Variants in LRRC49 observed in about 807,000 individuals in gnomAD.
LRRC49 encodes leucine rich repeat containing 49.
A neutral mutation model predicts 83.3 loss-of-function variants in LRRC49; 50 were observed. That is an observed-to-expected ratio of 0.60 (90% confidence interval 0.48 to 0.76). LRRC49 has a LOEUF of 0.76. Ranked by LOEUF, LRRC49 falls within the 30% of genes least tolerant of loss-of-function variation. LRRC49 has a pLI of 0.00. For missense variants in LRRC49, 704 were observed against 809.1 expected (o/e 0.87, Z 1.58); for synonymous variants, 286 against 283.3 (o/e 1.01, Z -0.10).
At chr15:71,026,238 G>T (rs1379055525) in intron 14 of LRRC49, among the ~76,000 whole-genome samples, 1 of 152,116 alleles carries the variant, frequency 6.6e-6, no homozygotes, top group East Asian at 1.9e-4. Context: ...CCCTGCAAAG[G>T]ACATGAACTC....
rs754161457 is a variant in LRRC49, at chr15:70,911,543, TCTCAAATCTGGAGAATCTAAAAAG to T, written c.515_538del (p.Ser172_Ser179del). The T allele has an allele frequency of 6.3e-7, 1 of 1,578,126 alleles. No individual in the cohort carries two copies. Among genetic ancestry groups the T allele is most frequent in the South Asian group, 1.2e-5 (1 of 86,296 alleles). ...ATTCTGGTTTTCAGAATCAAGAAAA[TCTCAAATCTGGAGAATCTAAAAAG>T]CTTAGATGTCTTGGATCTTCATGGA... On this transcript the variant is annotated inframe_deletion, in exon 6 of 16. Transcript: ENST00000260382.
intron 2 of LRRC49, chr15:70,882,656 A>G: frequency 6.2e-7 from 1 of 1,613,476 alleles, no homozygotes; most frequent in Non-Finnish European, 8.5e-7. Flanking sequence ...AATACCTGAA[A>G]GAGAATAAGC....
intron 7 of LRRC49, among the ~76,000 whole-genome samples, chr15:70,930,047 G>A (rs1195489956): frequency 6.6e-6 from 1 of 152,086 alleles, no homozygotes; most frequent in South Asian, 2.1e-4. Context: ...CATGAATCAT[G>A]AATGTTCTTA....
intron 11 of LRRC49, among the ~76,000 whole-genome samples, chr15:71,005,157 A>T (rs916932528): frequency 2.0e-5 from 3 of 152,168 alleles, no homozygotes; most frequent in Non-Finnish European, 4.4e-5. Flanking sequence ...TAAAGTAGTC[A>T]TTCCTGCGCC....
At chr15:71,031,962 C>A (rs2039368835) in intron 14 of LRRC49, among the ~76,000 whole-genome samples, 2 of 152,174 alleles carry the variant, frequency 1.3e-5, no homozygotes, top group Non-Finnish European at 2.9e-5. Flanking sequence ...AGTGAGACCA[C>A]TTGGCTTCCT....
intron 6 of LRRC49, among the ~76,000 whole-genome samples, chr15:70,911,966 G>C (rs553700967): frequency 7.8e-4 from 118 of 151,772 alleles, no homozygotes; most frequent in Admixed American, 1.9e-3. Context: ...CACTATTTTA[G>C]GTTTCATGCT....
intron 7 of LRRC49, among the ~76,000 whole-genome samples, chr15:70,935,518 A>G (rs1049054946): frequency 2.0e-5 from 3 of 152,128 alleles, no homozygotes; most frequent in African/African-American, 7.2e-5. Context: ...ACTTGCCTAA[A>G]CTCTTACTCG....
intron 14 of LRRC49, among the ~76,000 whole-genome samples, chr15:71,033,999 C>G (rs1355686859): frequency 6.6e-6 from 1 of 152,058 alleles, no homozygotes; most frequent in East Asian, 1.9e-4. Context: ...ACGAAAACAT[C>G]AAAAGTAATT....
chr15:71,021,703 T>G (rs1315622066), intron 14 of LRRC49, among the ~76,000 whole-genome samples: 1 of 152,192 alleles, frequency 6.6e-6, no homozygotes, highest in African/African-American at 2.4e-5. Context: ...CTCTCTCACT[T>G]GTTTGAGGGT....
At chr15:70,910,351 G>A (rs1316395845) in intron 5 of LRRC49, among the ~76,000 whole-genome samples, 1 of 152,076 alleles carries the variant, frequency 6.6e-6, no homozygotes, top group African/African-American at 2.4e-5. Context: ...TGATCAGTAT[G>A]TATGTATATA....
At position 70,945,194 on chromosome 15, in the gene LRRC49, G is replaced by A. The variant is rs565115980; in HGVS notation, c.773+8372G>A. Among the ~76,000 whole-genome samples the A allele has an allele frequency of 5.7e-4, 87 of 152,200 alleles. 1 individual carries two copies. In the South Asian group the frequency reaches 0.017, roughly 30 times the overall value. On this transcript the variant is annotated intron_variant, in intron 8 of 15. Transcript: ENST00000260382. Reference sequence around the variant, plus strand: ...ATCTACCCAGTGAGACCTCTGTTCTGTCTCTAGCTCCACTTCCCTATGCTA... The same window carrying A: ...ATCTACCCAGTGAGACCTCTGTTCTATCTCTAGCTCCACTTCCCTATGCTA...
intron 2 of LRRC49, among the ~76,000 whole-genome samples, chr15:70,883,283 C>T (rs1231397533): frequency 1.1e-4 from 17 of 152,064 alleles, no homozygotes; most frequent in Admixed American, 1.0e-3. Flanking sequence ...TCTCCGCCTG[C>T]CGGGTTCAAG....
chr15:70,894,387 A>G (rs992733857), intron 2 of LRRC49, among the ~76,000 whole-genome samples: 5 of 152,208 alleles, frequency 3.3e-5, no homozygotes, highest in Non-Finnish European at 7.3e-5. Flanking sequence ...GAAGAAAAAA[A>G]TAGGTTAGCA....
chr15:70,905,655 G>C (rs937701699), intron 5 of LRRC49, among the ~76,000 whole-genome samples: 1 of 152,144 alleles, frequency 6.6e-6, no homozygotes, highest in African/African-American at 2.4e-5. Context: ...TGTATTTTTA[G>C]GCTGAGGCTT....
At chr15:71,007,465 CAAAT>C (rs1456013702) in intron 11 of LRRC49, among the ~76,000 whole-genome samples, 1 of 151,482 alleles carries the variant, frequency 6.6e-6, no homozygotes, top group Non-Finnish European at 1.5e-5. Flanking sequence ...TTAGTAGGGG[CAAAT>C]AAATACTGGA....
chr15:70,873,120 A>G lies in LRRC49; in HGVS notation c.-86A>G. On this transcript the variant is annotated 5_prime_UTR_variant, in exon 2 of 17. Coordinates refer to the LRRC49 transcript ENST00000544974. ...GGCTGGTCTTGAATTCCTGACCTCAAGTGATCCACCCGCCTTGGCCTCCCA... is the reference window on the plus strand; with the variant it reads ...GGCTGGTCTTGAATTCCTGACCTCAGGTGATCCACCCGCCTTGGCCTCCCA... 5 of 1,122,572 alleles carry G rather than the reference A, an allele frequency of 4.5e-6. 1 individual carries two copies. Among genetic ancestry groups the G allele is most frequent in the Non-Finnish European group, 5.2e-6 (4 of 770,536 alleles). The allele number at this position is 1,122,572 out of a possible 1,614,324, so 69.5% of individuals were successfully genotyped here. A position where few individuals can be genotyped will look rare whatever the true frequency, so the allele number is the denominator to read the frequency against.
chr15:70,878,722 T>A (rs541565569), intron 2 of LRRC49, among the ~76,000 whole-genome samples: 1 of 152,362 alleles, frequency 6.6e-6, no homozygotes, highest in South Asian at 2.1e-4. Flanking sequence ...ACATGATTTT[T>A]CTCTTTCGTT....
chr15:70,964,379 A>C (rs2036718380), intron 9 of LRRC49, among the ~76,000 whole-genome samples: 1 of 152,142 alleles, frequency 6.6e-6, no homozygotes. Flanking sequence ...AATGGGGATC[A>C]GAATTAAGTC....
chr15:70,857,692 T>G (rs1349726792), intron 1 of LRRC49, among the ~76,000 whole-genome samples: 1 of 152,184 alleles, frequency 6.6e-6, no homozygotes, highest in Non-Finnish European at 1.5e-5. Context: ...ATAATAAGAC[T>G]GTGTCTATGC....
Sources: gnomAD v4.1 joint callset for allele counts (sites outside exome capture counted in the v4.1 genomes callset) on GRCh38, gnomAD v4.1.1 for gene constraint, MANE v1.5 for transcripts, NCBI Gene and HGNC (gene_info 2026-07-23, HGNC 2026-07-21) for gene names.